CALML3: variants seen among roughly 807,000 people sequenced by gnomAD.
CALML3 encodes calmodulin-like protein 3.
For missense variants in CALML3, 198 were observed against 214.1 expected, an observed-to-expected ratio of 0.92 and a Z score of 0.47; for synonymous variants, 98 against 89.9, an observed-to-expected ratio of 1.09 and a Z score of -0.51.
chr10:5,525,269 G>A lies in CALML3; in HGVS notation c.184G>A (p.Gly62Ser), dbSNP rs550418190. The stretch of plus-strand genomic sequence containing the variant: ...GAGTGAGATCGACCGGGACGGCAAC[G>A]GCACCGTGGACTTCCCCGAGTTCCT... ...MMSEIDRDGN[G>S]TVDFPEFLGM... is the part of the protein sequence containing the mutation. Residue 62 changes from glycine to serine, a missense_variant, in exon 1 of 1, where the codon GGC becomes AGC. Coordinates refer to ENST00000315238, the MANE Select transcript of CALML3 (RefSeq NM_005185.4). The A allele has an allele frequency of 2.7e-4, 430 of 1,614,006 alleles. 7 individuals are homozygous for A. In the South Asian group the frequency reaches 4.4e-3, roughly 16 times the overall value.
chr10:5,525,364 C>G lies in CALML3; in HGVS notation c.279C>G (p.Phe93Leu), dbSNP rs1443348079. 2 of 1,613,792 alleles carry G rather than the reference C, an allele frequency of 1.2e-6. No homozygotes were observed. Among genetic ancestry groups the G allele is most frequent in the South Asian group, 2.2e-5 (2 of 91,076 alleles). Residue 93 changes from phenylalanine to leucine, a missense_variant, in exon 1 of 1, where the codon TTC becomes TTG. Phe to Leu is a conservative substitution (Grantham distance 22). Coordinates refer to ENST00000315238, the MANE Select transcript of CALML3 (RefSeq NM_005185.4). ...EEEIREAFRVFDKDGNGFVSA... is the reference protein window; with the variant it reads ...EEEIREAFRVLDKDGNGFVSA... ...AGATCCGCGAGGCCTTCCGCGTGTT[C>G]GACAAGGACGGCAACGGCTTCGTCA...
Position 5,525,581 on chromosome 10 carries a change from C to T in CALML3, c.*46C>T. The stretch of plus-strand genomic sequence containing the variant: ...CTGGGCGCCCACGCGGCCCACAGGG[C>T]AAGAACCCGGGGCCTCCCGCCTCCT... On this transcript the variant is annotated 3_prime_UTR_variant, in exon 1 of 1. Transcript: ENST00000315238. 1.3e-6 allele frequency: 2 copies of T among 1,514,368 alleles called. No homozygotes were observed. The highest frequency in any genetic ancestry group is 1.8e-6 in the Non-Finnish European group (2 of 1,129,346). 93.8% of individuals were successfully genotyped at this position (1,514,368 alleles called of 1,614,324 possible).
chr10:5,525,651 G>C lies in CALML3; in HGVS notation c.*116G>C, dbSNP rs1304863210. ...CCTGGGCACTGTGGCTTCCTCCTGC[G>C]CCTGGTTGATTCAGCCCACCTCTCT... On this transcript the variant is annotated 3_prime_UTR_variant, in exon 1 of 1. Coordinates refer to ENST00000315238, the MANE Select transcript of CALML3 (RefSeq NM_005185.4). 6 of 1,453,276 alleles carry C rather than the reference G, an allele frequency of 4.1e-6. No homozygotes were observed. In the African/African-American group the frequency reaches 7.2e-5, roughly 17 times the overall value. 90.0% of individuals were successfully genotyped at this position (1,453,276 alleles called of 1,614,324 possible).
At position 5,525,376 on chromosome 10, in the gene CALML3, C is replaced by CA; in HGVS notation, c.293dup (p.Asn98LysfsTer22). 6.2e-7 allele frequency: 1 copy of CA among 1,613,854 alleles called. No individual in the cohort carries two copies. Among genetic ancestry groups the CA allele is most frequent in the Non-Finnish European group, 8.5e-7 (1 of 1,179,988 alleles). On this transcript the variant is annotated frameshift_variant, in exon 1 of 1. Coordinates refer to ENST00000315238, the MANE Select transcript of CALML3 (RefSeq NM_005185.4). LOFTEE classifies it low-confidence loss of function (END_TRUNC). ...CCTTCCGCGTGTTCGACAAGGACGGCAACGGCTTCGTCAGCGCCGCCGAGC... is the reference window on the plus strand; with the variant it reads ...CCTTCCGCGTGTTCGACAAGGACGGCAAACGGCTTCGTCAGCGCCGCCGAGC...
In CALML3 at chr10:5,525,675, C is replaced by T; in HGVS notation, c.*140C>T. 6.9e-7 allele frequency: 1 copy of T among 1,449,734 alleles called. No individual in the cohort carries two copies. Among genetic ancestry groups the T allele is most frequent in the Non-Finnish European group, 9.1e-7 (1 of 1,100,042 alleles). The allele number at this position is 1,449,734 out of a possible 1,614,324, so 89.8% of individuals were successfully genotyped here. A position where few individuals can be genotyped will look rare whatever the true frequency, so the allele number is the denominator to read the frequency against. On this transcript the variant is annotated 3_prime_UTR_variant, in exon 1 of 1. Coordinates refer to ENST00000315238, the MANE Select transcript of CALML3 (RefSeq NM_005185.4). ...CGCCTGGTTGATTCAGCCCACCTCT[C>T]TGCATCCCGCTTCCCGCGTCTCTTC...
In CALML3 at chr10:5,525,005, G is replaced by C; in HGVS notation, c.-81G>C. ...CCGGATCTCCACCTGCCACCCCAGA[G>C]CTGGGACAGCAGCCGGGCTGCGGCA... On this transcript the variant is annotated 5_prime_UTR_variant, in exon 1 of 1. Coordinates refer to ENST00000315238, the MANE Select transcript of CALML3 (RefSeq NM_005185.4). The C allele has an allele frequency of 9.1e-7, 1 of 1,098,868 alleles. No individual in the cohort carries two copies. The highest frequency in any genetic ancestry group is 2.2e-5 in the Admixed American group (1 of 45,484). 68.1% of individuals were successfully genotyped at this position (1,098,868 alleles called of 1,614,324 possible).
In CALML3 at chr10:5,526,032, CG is replaced by C. The variant is rs1833583093; in HGVS notation, c.*499del. 5.7e-6 allele frequency: 1 copy of C among 175,700 alleles called. No individual in the cohort carries two copies. The highest frequency in any genetic ancestry group is 1.4e-5 in the Non-Finnish European group (1 of 73,106). The allele number at this position is 175,700 out of a possible 1,614,324, so 10.9% of individuals were successfully genotyped here. A position where few individuals can be genotyped will look rare whatever the true frequency, so the allele number is the denominator to read the frequency against. ...GGGAGGCATCTTGGCCTGCAGTAAGCGGTGCTGACGGGGACTCTGGCCACAG... is the reference window on the plus strand; with the variant it reads ...GGGAGGCATCTTGGCCTGCAGTAAGCGTGCTGACGGGGACTCTGGCCACAG... On this transcript the variant is annotated 3_prime_UTR_variant, in exon 1 of 1. Coordinates refer to ENST00000315238, the MANE Select transcript of CALML3 (RefSeq NM_005185.4).
In CALML3 at chr10:5,525,329, A is replaced by C; in HGVS notation, c.244A>C (p.Asn82His). ...MMARKMKDTD[N>H]EEEIREAFRV... ...GGCCAGGAAGATGAAGGACACGGAC[A>C]ACGAGGAGGAGATCCGCGAGGCCTT... The change falls in exon 1 of 1, where the codon AAC (asparagine) becomes CAC (histidine). Residue 82 changes from asparagine to histidine, a missense_variant. Physicochemically the swap from Asn to His is moderately conservative, Grantham distance 68. Transcript: ENST00000315238. The C allele has an allele frequency of 6.2e-7, 1 of 1,613,942 alleles. No individual in the cohort carries two copies. The highest frequency in any genetic ancestry group is 8.5e-7 in the Non-Finnish European group (1 of 1,179,998).
At position 5,525,153 on chromosome 10, in the gene CALML3, A is replaced by C; in HGVS notation, c.68A>C (p.Asp23Ala). The change falls in exon 1 of 1, where the codon GAT (aspartate) becomes GCT (alanine). Residue 23 changes from aspartate to alanine, a missense_variant. Asp to Ala is a moderately radical substitution (Grantham distance 126). Coordinates refer to ENST00000315238, the MANE Select transcript of CALML3 (RefSeq NM_005185.4). ...GAGGCCTTCTCCCTGTTTGACAAGGATGGGGACGGCTGCATCACCACCCGC... is the reference window on the plus strand; with the variant it reads ...GAGGCCTTCTCCCTGTTTGACAAGGCTGGGGACGGCTGCATCACCACCCGC... ...FKEAFSLFDK[D>A]GDGCITTREL... The C allele has an allele frequency of 6.2e-7, 1 of 1,613,792 alleles. No individual in the cohort carries two copies. The highest frequency in any genetic ancestry group is 8.5e-7 in the Non-Finnish European group (1 of 1,179,900).
rs2131388937 is a variant in CALML3 at position 5,526,399 on chromosome 10, C to T, written c.*864C>T. On this transcript the variant is annotated 3_prime_UTR_variant, in exon 1 of 1. Transcript: ENST00000315238. The stretch of plus-strand genomic sequence containing the variant: ...CTATACGGGGGAGCGGGAAAGGTGC[C>T]TCAGAGAGAGACAAGTCTGGATGAG... 1 of 166,930 alleles carries T rather than the reference C, an allele frequency of 6.0e-6. No homozygotes were observed. The allele number at this position is 166,930 out of a possible 1,614,324, so 10.3% of individuals were successfully genotyped here.
Position 5,525,561 on chromosome 10 carries a change from CGCCCACGCG to C in CALML3, c.*33_*41del. 1.3e-6 allele frequency: 2 copies of C among 1,549,722 alleles called. No individual in the cohort carries two copies. The highest frequency in any genetic ancestry group is 1.7e-6 in the Non-Finnish European group (2 of 1,145,356). On this transcript the variant is annotated 3_prime_UTR_variant, in exon 1 of 1. Transcript: ENST00000315238. The stretch of plus-strand genomic sequence containing the variant: ...GGCCGGCGCCCACCATGCTCCTGGG[CGCCCACGCG>C]GCCCACAGGGCAAGAACCCGGGGCC...
Position 5,525,158 on chromosome 10 carries a change from G to A in CALML3, c.73G>A (p.Asp25Asn). Residue 25 changes from aspartate to asparagine, a missense_variant, in exon 1 of 1, where the codon GAC becomes AAC. By Grantham distance (23) the Asp-to-Asn change is conservative. Transcript: ENST00000315238. ...CTTCTCCCTGTTTGACAAGGATGGG[G>A]ACGGCTGCATCACCACCCGCGAGCT... The part of the protein sequence containing the change: ...EAFSLFDKDG[D>N]GCITTRELGT... 2 of 1,613,894 alleles carry A rather than the reference G, an allele frequency of 1.2e-6. 1 individual carries two copies. The highest frequency in any genetic ancestry group is 2.2e-5 in the South Asian group (2 of 91,066).
At position 5,525,322 on chromosome 10, in the gene CALML3, C is replaced by T; in HGVS notation, c.237C>T (p.Asp79=). The T allele has an allele frequency of 6.2e-7, 1 of 1,613,892 alleles. No individual in the cohort carries two copies. The part of the protein sequence containing the change: ...FLGMMARKMK[D]TDNEEEIREA... The stretch of plus-strand genomic sequence containing the variant: ...GCATGATGGCCAGGAAGATGAAGGA[C>T]ACGGACAACGAGGAGGAGATCCGCG... The change falls in exon 1 of 1, where the codon GAC becomes GAT. Residue 79 remains aspartate, a synonymous_variant. Transcript: ENST00000315238.
In CALML3 at chr10:5,526,666, C is replaced by T. The variant is rs1363344571; in HGVS notation, c.*1131C>T. The T allele has an allele frequency of 6.0e-6, 1 of 167,158 alleles. No homozygotes were observed. Among genetic ancestry groups the T allele is most frequent in the East Asian group, 1.9e-4 (1 of 5,178 alleles). 10.4% of individuals were successfully genotyped at this position (167,158 alleles called of 1,614,324 possible). ...CAGAGCCGTTAGTCCTGCACTAGCC[C>T]TGCAAGCTGCTGGCAACACCTAGAG... On this transcript the variant is annotated 3_prime_UTR_variant, in exon 1 of 1. Transcript: ENST00000315238.
chr10:5,525,599 C>T lies in CALML3; in HGVS notation c.*64C>T. On this transcript the variant is annotated 3_prime_UTR_variant, in exon 1 of 1. Coordinates refer to ENST00000315238, the MANE Select transcript of CALML3 (RefSeq NM_005185.4). ...CACAGGGCAAGAACCCGGGGCCTCC[C>T]GCCTCCTCCCCCATCCCCCTGCCTC... 6.8e-7 allele frequency: 1 copy of T among 1,477,014 alleles called. No homozygotes were observed. The highest frequency in any genetic ancestry group is 9.0e-7 in the Non-Finnish European group (1 of 1,110,254). 91.5% of individuals were successfully genotyped at this position (1,477,014 alleles called of 1,614,324 possible).
At position 5,525,516 on chromosome 10, in the gene CALML3, G is replaced by A. The variant is rs761398925; in HGVS notation, c.431G>A (p.Arg144His). Residue 144 changes from arginine (R) to histidine (H), a missense_variant, in exon 1 of 1, where the codon CGT becomes CAT. Coordinates refer to ENST00000315238, the MANE Select transcript of CALML3 (RefSeq NM_005185.4). The stretch of plus-strand genomic sequence containing the variant: ...CAGGTGAACTACGAGGAGTTTGTCC[G>A]TGTGCTGGTGTCCAAGTGAGGCCGG... ...DGQVNYEEFV[R>H]VLVSK is the part of the protein sequence containing the mutation. 3 of 1,599,700 alleles carry A rather than the reference G, an allele frequency of 1.9e-6. No homozygotes were observed. Among genetic ancestry groups the A allele is most frequent in the Non-Finnish European group, 2.6e-6 (3 of 1,170,224 alleles).
At position 5,525,167 on chromosome 10, in the gene CALML3, A is replaced by C; in HGVS notation, c.82A>C (p.Ile28Leu). Residue 28 changes from isoleucine (I) to leucine (L), a missense_variant, in exon 1 of 1, where the codon ATC (isoleucine) becomes CTC (leucine). By Grantham distance (5) the Ile-to-Leu change is conservative (BLOSUM62 2). Coordinates refer to ENST00000315238, the MANE Select transcript of CALML3 (RefSeq NM_005185.4). The part of the protein sequence containing the change: ...SLFDKDGDGC[I>L]TTRELGTVMR... The stretch of plus-strand genomic sequence containing the variant: ...GTTTGACAAGGATGGGGACGGCTGC[A>C]TCACCACCCGCGAGCTGGGCACGGT... The C allele has an allele frequency of 1.9e-6, 3 of 1,613,832 alleles. No homozygotes were observed. The South Asian group carries it at 3.3e-5, about 18-fold the overall frequency.
At position 5,525,860 on chromosome 10, in the gene CALML3, A is replaced by C. The variant is rs1161277906; in HGVS notation, c.*325A>C. The stretch of plus-strand genomic sequence containing the variant: ...CTGACTCTGCGGCCCTCCAGGACGG[A>C]CACCGGGTGACCCCTTAGGGCACCC... On this transcript the variant is annotated 3_prime_UTR_variant, in exon 1 of 1. Coordinates refer to ENST00000315238, the MANE Select transcript of CALML3 (RefSeq NM_005185.4). 1.2e-5 allele frequency: 12 copies of C among 976,320 alleles called. No individual in the cohort carries two copies. Among genetic ancestry groups the C allele is most frequent in the Non-Finnish European group, 1.6e-5 (12 of 758,576 alleles). The allele number at this position is 976,320 out of a possible 1,614,324, so 60.5% of individuals were successfully genotyped here.
chr10:5,525,744 C>G lies in CALML3; in HGVS notation c.*209C>G, dbSNP rs773966700. On this transcript the variant is annotated 3_prime_UTR_variant, in exon 1 of 1. Coordinates refer to ENST00000315238, the MANE Select transcript of CALML3 (RefSeq NM_005185.4). Reference sequence around the variant, plus strand: ...TTCCCACCTGCTCGTCTGAATGACACGGAACGCTCCCACTGCAGGCAAACC... The same window carrying G: ...TTCCCACCTGCTCGTCTGAATGACAGGGAACGCTCCCACTGCAGGCAAACC... 1.4e-5 allele frequency: 20 copies of G among 1,437,040 alleles called. No homozygotes were observed. The highest frequency in any genetic ancestry group is 1.6e-5 in the Non-Finnish European group (17 of 1,092,666). The allele number at this position is 1,437,040 out of a possible 1,614,324, so 89.0% of individuals were successfully genotyped here.
Sources: gnomAD v4.1 joint callset for allele counts on GRCh38, gnomAD v4.1.1 for gene constraint, MANE v1.5 for transcripts, NCBI Gene and HGNC (gene_info 2026-07-23, HGNC 2026-07-21) for gene names.